The following RAI14 variants were observed in gnomAD, a reference collection of about 807,000 sequenced individuals.
RAI14 encodes the protein retinoic acid induced 14.
RAI14 carries 45 observed loss-of-function variants against 115.4 expected under a neutral mutation model. That is an observed-to-expected ratio of 0.39 (90% CI 0.31 to 0.50). The LOEUF is 0.50. Ranked by LOEUF, RAI14 falls within the 20% of genes least tolerant of loss-of-function variation. The pLI, the probability that RAI14 is intolerant of heterozygous loss-of-function variation, is 0.85. For synonymous variants in RAI14, 371 were observed against 415.4 expected, an observed-to-expected ratio of 0.89 and a Z score of 1.30; for missense variants, 939 against 1,131.2, an observed-to-expected ratio of 0.83 and a Z score of 2.44.
chr5:34,662,995 C>T (rs866329804), intron 1 of RAI14, among the ~76,000 whole-genome samples: 13 of 151,888 alleles, frequency 8.6e-5, no homozygotes, highest in South Asian at 4.2e-4. Context: ...CTTGGCCTCC[C>T]AAAGTGCTGG....
chr5:34,688,428 C>A, intron 2 of RAI14: 7 of 507,118 alleles, frequency 1.4e-5, no homozygotes, highest in South Asian at 8.7e-5. Context: ...GAACAGGGGC[C>A]CAGAGGAATG....
chr5:34,819,454 T>C (rs1022844155), intron 13 of RAI14, among the ~76,000 whole-genome samples: 4 of 152,316 alleles, frequency 2.6e-5, no homozygotes, highest in East Asian at 1.9e-4. Flanking sequence ...CCTCCATGAC[T>C]GTCCCCATCT....
At chr5:34,776,597 G>A (rs1319993909) in intron 3 of RAI14, among the ~76,000 whole-genome samples, 1 of 152,024 alleles carries the variant, frequency 6.6e-6, no homozygotes, top group African/African-American at 2.4e-5. Flanking sequence ...CTGGAGCCCA[G>A]GAGTTCAAGG....
intron 2 of RAI14, among the ~76,000 whole-genome samples, chr5:34,700,284 C>T (rs183686632): frequency 2.4e-3 from 362 of 152,128 alleles, no homozygotes; most frequent in African/African-American, 8.0e-3. Flanking sequence ...AACTGGAGGG[C>T]GGACTGTTTT....
chr5:34,812,259 T>A (rs1222728896), intron 10 of RAI14, 51 bp downstream of exon 10: 1 of 1,491,776 alleles, frequency 6.7e-7, no homozygotes, highest in South Asian at 1.2e-5. Flanking sequence ...TTGTGGGAAT[T>A]TAAAAATGTT....
intron 3 of RAI14, among the ~76,000 whole-genome samples, chr5:34,766,006 C>T (rs566357913): frequency 2.3e-4 from 35 of 152,362 alleles, no homozygotes; most frequent in African/African-American, 8.4e-4. Context: ...GCAGCTTCCA[C>T]ATGATGTTGA....
In RAI14 at chr5:34,829,144, CACATATATAG is replaced by C. The variant is rs574839186; in HGVS notation, c.2800-584_2800-575del. Among the ~76,000 whole-genome samples the C allele has an allele frequency of 5.7e-3, 842 of 148,748 alleles. 8 individuals carry two copies. The highest frequency in any genetic ancestry group is 0.02 in the African/African-American group (818 of 40,232). On this transcript the variant is annotated intron_variant, in intron 16 of 17. Coordinates refer to ENST00000265109, the MANE Select transcript of RAI14 (RefSeq NM_015577.3). ...ACACACACATATATACATATATACA[CACATATATAG>C]ACACACATACACACACACACACATA...
intron 1 of RAI14, among the ~76,000 whole-genome samples, chr5:34,661,015 C>T (rs1466822350): frequency 5.3e-5 from 8 of 152,174 alleles, no homozygotes; most frequent in Non-Finnish European, 1.0e-4. Flanking sequence ...CTTTATTTAC[C>T]TCCAAGGCAC....
intron 4 of RAI14, among the ~76,000 whole-genome samples, chr5:34,803,345 C>T (rs338270): frequency 0.067 from 10,180 of 152,144 alleles, 1,082 homozygotes; most frequent in African/African-American, 0.23. Flanking sequence ...CTCAGGAGTT[C>T]GAGATCAGCT....
chr5:34,761,851 C>T (rs987628795), intron 3 of RAI14, among the ~76,000 whole-genome samples: 8 of 152,128 alleles, frequency 5.3e-5, no homozygotes, highest in Admixed American at 2.6e-4. Context: ...TTGATTTGAA[C>T]GCTTGGCCTC....
Position 34,818,836 on chromosome 5 carries a change from A to G in RAI14, c.979A>G (p.Ser327Gly). 6.2e-7 allele frequency: 1 copy of G among 1,611,104 alleles called. No homozygotes were observed. The highest frequency in any genetic ancestry group is 8.5e-7 in the Non-Finnish European group (1 of 1,178,528). The change falls in exon 13 of 18, where the codon AGT becomes GGT. Residue 327 changes from serine to glycine, a missense_variant. Coordinates refer to ENST00000265109, the MANE Select transcript of RAI14 (RefSeq NM_015577.3). ...TATACGAGAAAACAAAGACAGACTA[A>G]GTGACAGTACTACAGGTAAGACAAG... ...SSIRENKDRL[S>G]DSTTGADSLL... is the part of the protein sequence containing the mutation.
At chr5:34,662,238 C>A (rs1200615903) in intron 1 of RAI14, among the ~76,000 whole-genome samples, 1 of 152,080 alleles carries the variant, frequency 6.6e-6, no homozygotes, top group Non-Finnish European at 1.5e-5. Context: ...AAAATGAGAA[C>A]CTTAATCTGA....
intron 2 of RAI14, among the ~76,000 whole-genome samples, chr5:34,692,370 A>G (rs1455730103): frequency 6.6e-6 from 1 of 152,122 alleles, no homozygotes; most frequent in Non-Finnish European, 1.5e-5. Context: ...ATAAGTTTTT[A>G]CAATTGCTCA....
intron 1 of RAI14, among the ~76,000 whole-genome samples, chr5:34,670,881 C>T (rs752732161): frequency 6.6e-5 from 10 of 152,172 alleles, no homozygotes; most frequent in Admixed American, 6.6e-5. Flanking sequence ...AGAGTAGTAA[C>T]GTCTTGGTTA....
chr5:34,807,754 G>A, intron 5 of RAI14, 46 bp from the exon 6 acceptor site: 1 of 1,393,750 alleles, frequency 7.2e-7, no homozygotes, highest in South Asian at 1.2e-5. Flanking sequence ...AATAGAATTG[G>A]GGCAGGGTAT....
intron 3 of RAI14, among the ~76,000 whole-genome samples, chr5:34,775,661 C>T (rs1383155204): frequency 6.6e-6 from 1 of 152,154 alleles, no homozygotes; most frequent in Non-Finnish European, 1.5e-5. Context: ...ACATGCTGAA[C>T]ATCATTGATC....
intron 3 of RAI14, among the ~76,000 whole-genome samples, chr5:34,777,147 C>G (rs928828602): frequency 6.6e-6 from 1 of 152,116 alleles, no homozygotes; most frequent in Non-Finnish European, 1.5e-5. Flanking sequence ...GCCTGGGCAA[C>G]AGAATGATAC....
Position 34,812,221 on chromosome 5 carries a change from G to T in RAI14, c.765+13G>T. 2 of 1,575,288 alleles carry T rather than the reference G, an allele frequency of 1.3e-6. No individual in the cohort carries two copies. The highest frequency in any genetic ancestry group is 1.7e-4 in the Middle Eastern group (1 of 5,932). On this transcript the variant is annotated intron_variant, in intron 10 of 17. Coordinates refer to ENST00000265109, the MANE Select transcript of RAI14 (RefSeq NM_015577.3). ...AAAACCAAAGCAGGTATTTATCTTT[G>T]GGGGAGGCTTCTATGTTTCATTTAT...
intron 1 of RAI14, among the ~76,000 whole-genome samples, chr5:34,676,935 C>G (rs895836507): frequency 6.6e-6 from 1 of 151,974 alleles, no homozygotes; most frequent in African/African-American, 2.4e-5. Context: ...TTATGTCTTT[C>G]CCCCCCTAAC....
Sources: allele counts gnomAD v4.1 joint callset (sites outside exome capture counted in the v4.1 genomes callset), GRCh38; gene constraint gnomAD v4.1.1; transcripts MANE v1.5; gene names NCBI Gene and HGNC (gene_info 2026-07-23, HGNC 2026-07-21).